The following SOS2 variants were observed in gnomAD, a reference collection of about 807,000 sequenced individuals.
SOS2 encodes the protein SOS Ras/Rho guanine nucleotide exchange factor 2.
In SOS2, 65 loss-of-function variants were observed where a neutral mutation model predicts 148.2. The ratio of observed to expected loss-of-function variants is 0.44; its 90% CI spans 0.36 to 0.54. The LOEUF (loss-of-function observed/expected upper bound fraction) is 0.54, where lower values mean the gene tolerates loss of function less well. SOS2 is among the 20% of genes least tolerant of loss of function. The probability of loss-of-function intolerance (pLI) is 0.00; values close to 1 mark genes in which losing one functional copy is unlikely to be tolerated. For missense variants in SOS2, 1,341 were observed against 1,590.2 expected (o/e 0.84, Z 2.67); for synonymous variants, 539 against 537.1 (o/e 1.00, Z -0.05).
intron 7 of SOS2, among the ~76,000 whole-genome samples, chr14:50,176,030 C>G (rs1291146695): frequency 6.6e-6 from 1 of 152,186 alleles, no homozygotes; most frequent in Admixed American, 6.5e-5. Context: ...GAAACCTAAT[C>G]CCCAATGCAA....
intron 1 of SOS2, among the ~76,000 whole-genome samples, chr14:50,213,315 G>A (rs1285679516): frequency 6.6e-6 from 1 of 152,074 alleles, no homozygotes; most frequent in African/African-American, 2.4e-5. Flanking sequence ...GGTAATAAGT[G>A]TACTACATAG....
chr14:50,142,032 G>A (rs1884310582), intron 16 of SOS2, among the ~76,000 whole-genome samples: 1 of 150,502 alleles, frequency 6.6e-6, no homozygotes, highest in African/African-American at 2.4e-5. Flanking sequence ...TTTTGAGATG[G>A]AATCTTGCTC....
intron 8 of SOS2, among the ~76,000 whole-genome samples, chr14:50,166,370 C>T (rs1333758247): frequency 1.3e-5 from 2 of 152,040 alleles, no homozygotes; most frequent in Admixed American, 1.3e-4. Flanking sequence ...GCTTGGACTA[C>T]AGGCATTGCC....
chr14:50,157,216 GA>G, intron 11 of SOS2, 95 bp from the exon 12 acceptor site: 1 of 1,388,828 alleles, frequency 7.2e-7, no homozygotes, highest in Non-Finnish European at 9.7e-7. Flanking sequence ...CCACTTCCAC[GA>G]AAAGTGGATT....
intron 1 of SOS2, among the ~76,000 whole-genome samples, chr14:50,222,305 A>G (rs1887224950): frequency 6.6e-6 from 1 of 152,234 alleles, no homozygotes; most frequent in Non-Finnish European, 1.5e-5. Flanking sequence ...TACACAGCAA[A>G]AAAAGTTAGA....
intron 4 of SOS2, among the ~76,000 whole-genome samples, chr14:50,196,203 T>G (rs1386382375): frequency 6.6e-6 from 1 of 152,182 alleles, no homozygotes; most frequent in Non-Finnish European, 1.5e-5. Context: ...TTTGTAAGAT[T>G]TATTGCACAG....
intron 5 of SOS2, among the ~76,000 whole-genome samples, chr14:50,185,994 A>G (rs1885896251): frequency 6.6e-6 from 1 of 152,110 alleles, no homozygotes; most frequent in African/African-American, 2.4e-5. Context: ...CTTAGGGTTA[A>G]ATTAGATGAT....
At chr14:50,199,106 T>C (rs750232328) in intron 4 of SOS2, among the ~76,000 whole-genome samples, 1 of 152,234 alleles carries the variant, frequency 6.6e-6, no homozygotes, top group Non-Finnish European at 1.5e-5. Context: ...TGAGCTGAGA[T>C]TGTGCCACTG....
At chr14:50,171,514 T>C (rs1191928170) in intron 8 of SOS2, among the ~76,000 whole-genome samples, 1 of 151,800 alleles carries the variant, frequency 6.6e-6, no homozygotes, top group Admixed American at 6.6e-5. Flanking sequence ...TGAAACCCTG[T>C]CTATACTAAA....
At chr14:50,230,962 C>T in intron 1 of SOS2, 2 of 989,242 alleles carry the variant, frequency 2.0e-6, no homozygotes, top group South Asian at 1.0e-4. Context: ...ATGACTGCAA[C>T]ATGAAATCCA....
intron 5 of SOS2, among the ~76,000 whole-genome samples, chr14:50,186,595 A>G (rs1198919374): frequency 1.3e-5 from 2 of 151,650 alleles, no homozygotes; most frequent in Non-Finnish European, 2.9e-5. Flanking sequence ...AACCTGAACA[A>G]CATAGCAAGA....
intron 16 of SOS2, among the ~76,000 whole-genome samples, chr14:50,141,966 T>C (rs749435268): frequency 5.3e-5 from 8 of 151,652 alleles, no homozygotes; most frequent in African/African-American, 7.3e-5. Context: ...CCTACAGATA[T>C]AGGCATTCAA....
chr14:50,194,795 A>T (rs1468568351), intron 4 of SOS2, among the ~76,000 whole-genome samples: 6 of 150,464 alleles, frequency 4.0e-5, no homozygotes, highest in Non-Finnish European at 5.9e-5. Context: ...AAAAATAAAT[A>T]AATTAAATAA....
chr14:50,171,434 C>G (rs1181838820), intron 8 of SOS2, among the ~76,000 whole-genome samples: 1 of 151,680 alleles, frequency 6.6e-6, no homozygotes, highest in Non-Finnish European at 1.5e-5. Flanking sequence ...CCCTGTAATC[C>G]CAGCATCTCG....
rs1883809830 is a variant in SOS2, at chr14:50,129,840, A to C, written c.3379+121T>G. On this transcript the variant is annotated intron_variant, in intron 21 of 22. Transcript: ENST00000216373. ...AGTACACAGTTGTAAGCAAATAATTAAATTTATTTATAACTTTTCTTGTTC... is the reference window on the plus strand; with the variant it reads ...AGTACACAGTTGTAAGCAAATAATTCAATTTATTTATAACTTTTCTTGTTC... 2.3e-5 allele frequency: 14 copies of C among 610,128 alleles called. No individual in the cohort carries two copies. The South Asian group carries it at 3.0e-4, about 13-fold the overall frequency. 37.8% of individuals were successfully genotyped at this position (610,128 alleles called of 1,614,324 possible). A position where few individuals can be genotyped will look rare whatever the true frequency, so the allele number is the denominator to read the frequency against.
chr14:50,193,497 T>C (rs1886218434), intron 4 of SOS2, among the ~76,000 whole-genome samples: 1 of 152,186 alleles, frequency 6.6e-6, no homozygotes. Flanking sequence ...TTTGATATGC[T>C]AGAATACCTC....
chr14:50,208,428 G>A (rs566675088), intron 1 of SOS2, among the ~76,000 whole-genome samples: 1 of 152,170 alleles, frequency 6.6e-6, no homozygotes, highest in Admixed American at 6.5e-5. Flanking sequence ...GAGACGGGGG[G>A]ATCACAAGGT....
chr14:50,180,789 G>T, intron 6 of SOS2, 107 bp from the exon 7 acceptor site: 1 of 605,946 alleles, frequency 1.7e-6, no homozygotes, highest in Non-Finnish European at 2.8e-6. Context: ...GTTACAGTGA[G>T]CTATGATTGT....
intron 7 of SOS2, among the ~76,000 whole-genome samples, chr14:50,178,363 G>C (rs532549492): frequency 2.0e-5 from 3 of 152,058 alleles, no homozygotes; most frequent in African/African-American, 7.2e-5. Context: ...CGCCATGATC[G>C]TAAGTTTCCT....
Sources: allele counts gnomAD v4.1 joint callset (sites outside exome capture counted in the v4.1 genomes callset), GRCh38; gene constraint gnomAD v4.1.1; transcripts MANE v1.5; gene names NCBI Gene and HGNC (gene_info 2026-07-23, HGNC 2026-07-21).